The following CXCR2 variants were observed in gnomAD, a reference collection of about 807,000 sequenced individuals.
CXCR2 encodes C-X-C chemokine receptor type 2.
In CXCR2, 2 loss-of-function variants were observed where a neutral mutation model predicts 3.7. The ratio of observed to expected loss-of-function variants is 0.55; its 90% CI spans 0.22 to 1.72. The LOEUF (loss-of-function observed/expected upper bound fraction) is 1.72, where lower values mean the gene tolerates loss of function less well. Among genes scored for constraint, CXCR2 ranks in the 40% most tolerant of loss-of-function variants. CXCR2 has a pLI of 0.19. For synonymous variants in CXCR2, 203 were observed against 193.3 expected (o/e 1.05, Z -0.41); for missense variants, 351 against 450.1 (o/e 0.78, Z 1.99).
At position 218,135,578 on chromosome 2, in the gene CXCR2, C is replaced by A. The variant is rs773995653; in HGVS notation, c.777C>A (p.Ile259=). 6.2e-7 allele frequency: 1 copy of A among 1,614,184 alleles called. No homozygotes were observed. Among genetic ancestry groups the A allele is most frequent in the Non-Finnish European group, 8.5e-7 (1 of 1,180,026 alleles). Residue 259 remains isoleucine (I), a synonymous_variant, in exon 3 of 3, where the codon ATC becomes ATA. Coordinates refer to ENST00000318507, the MANE Select transcript of CXCR2 (RefSeq NM_001557.4). The surrounding 1 kb of genome is among the most constrained non-coding windows in gnomAD (Gnocchi z 4.0). ...GGGTCATCTTTGCTGTCGTCCTCAT[C>A]TTCCTGCTCTGCTGGCTGCCCTACA... ...AMRVIFAVVL[I]FLLCWLPYNL...
intron 2 of CXCR2, among the ~76,000 whole-genome samples, chr2:218,133,376 T>A (rs1164793501): frequency 7.0e-6 from 1 of 143,322 alleles, no homozygotes; most frequent in Non-Finnish European, 1.5e-5. Flanking sequence ...TTCGGCTCAC[T>A]GCAACCTCCA....
At chr2:218,128,880 AT>A (rs1438054233) in intron 1 of CXCR2, among the ~76,000 whole-genome samples, 3 of 152,202 alleles carry the variant, frequency 2.0e-5, no homozygotes, top group Admixed American at 2.0e-4. Flanking sequence ...CATCTCTGTC[AT>A]TTTAATGCAC....
chr2:218,136,197 T>C lies in CXCR2; in HGVS notation c.*313T>C. 3.6e-6 allele frequency: 1 copy of C among 277,380 alleles called. No individual in the cohort carries two copies. Among genetic ancestry groups the C allele is most frequent in the Admixed American group, 4.9e-5 (1 of 20,538 alleles). 17.2% of individuals were successfully genotyped at this position (277,380 alleles called of 1,614,324 possible). On this transcript the variant is annotated 3_prime_UTR_variant, in exon 3 of 3. Transcript: ENST00000318507. ...CAGTGAGACAGCTCTGCATACTCAT[T>C]AGGATGGCTAGTATCAAAAGAAAGA...
chr2:218,135,984 T>C lies in CXCR2; in HGVS notation c.*100T>C. 2 of 1,450,030 alleles carry C rather than the reference T, an allele frequency of 1.4e-6. No homozygotes were observed. The highest frequency in any genetic ancestry group is 1.4e-5 in the African/African-American group (1 of 70,336). The allele number at this position is 1,450,030 out of a possible 1,614,324, so 89.8% of individuals were successfully genotyped here. A position where few individuals can be genotyped will look rare whatever the true frequency, so the allele number is the denominator to read the frequency against. On this transcript the variant is annotated 3_prime_UTR_variant, in exon 3 of 3. Coordinates refer to ENST00000318507, the MANE Select transcript of CXCR2 (RefSeq NM_001557.4). The surrounding 1 kb of genome is among the most constrained non-coding windows in gnomAD (Gnocchi z 4.0). ...TGGTTCTTCTTGGTCTCAGTGTCAA[T>C]GCAGCCCCCATTGTGGTCACAGGAA...
intron 2 of CXCR2, among the ~76,000 whole-genome samples, chr2:218,132,163 T>C (rs776602015): frequency 3.3e-5 from 5 of 152,278 alleles, no homozygotes; most frequent in Admixed American, 6.5e-5. Flanking sequence ...ATTTAAAGTT[T>C]TTAGCATATT....
At chr2:218,130,046 A>T (rs1483021649) in intron 2 of CXCR2, among the ~76,000 whole-genome samples, 2 of 152,194 alleles carry the variant, frequency 1.3e-5, no homozygotes, top group Non-Finnish European at 2.9e-5. Flanking sequence ...TTCTGGGCCA[A>T]AGAAACGGCA....
intron 2 of CXCR2, among the ~76,000 whole-genome samples, chr2:218,133,288 G>T (rs1403117666): frequency 7.2e-6 from 1 of 138,918 alleles, no homozygotes; most frequent in Non-Finnish European, 1.5e-5. Flanking sequence ...TGAGAAACTG[G>T]GATTTTTTTT....
intron 1 of CXCR2, among the ~76,000 whole-genome samples, chr2:218,127,580 G>A (rs1234691232): frequency 1.3e-5 from 2 of 152,208 alleles, no homozygotes; most frequent in African/African-American, 4.8e-5. Flanking sequence ...CTGGGACACA[G>A]GGAGGTACCT....
chr2:218,126,616 T>A (rs1690514855), intron 1 of CXCR2, among the ~76,000 whole-genome samples: 1 of 152,358 alleles, frequency 6.6e-6, no homozygotes, highest in South Asian at 2.1e-4. Context: ...CTAGTGTGAC[T>A]GCGGATCTCA....
chr2:218,126,845 G>C (rs1690522385), intron 1 of CXCR2, among the ~76,000 whole-genome samples: 1 of 122,382 alleles, frequency 8.2e-6, no homozygotes, highest in East Asian at 2.2e-4. Flanking sequence ...TGTTTGTTTT[G>C]TTTTTGTTTT....
chr2:218,130,581 G>A (rs572778578), intron 2 of CXCR2, among the ~76,000 whole-genome samples: 6 of 152,200 alleles, frequency 3.9e-5, no homozygotes, highest in African/African-American at 9.6e-5. Context: ...CCCTGTGATC[G>A]CAGGCTGGTT....
Position 218,126,846 on chromosome 2 carries a change from T to G in CXCR2, c.-78+493T>G, listed in dbSNP as rs536476957. Among the ~76,000 whole-genome samples, 4 of 135,568 alleles carry G rather than the reference T, an allele frequency of 3.0e-5. No individual in the cohort carries two copies. The East Asian group carries it at 6.1e-4, about 21-fold the overall frequency. The allele number at this position is 135,568 out of a possible 152,430, so 88.9% of individuals were successfully genotyped here. A position where few individuals can be genotyped will look rare whatever the true frequency, so the allele number is the denominator to read the frequency against. On this transcript the variant is annotated intron_variant, in intron 1 of 2. Transcript: ENST00000318507. ...GGGTTTTGTTTGTTTGTTTGTTTTG[T>G]TTTTGTTTTTGTAAAGACAGGGTTT...
chr2:218,133,276 T>C (rs1244022927), intron 2 of CXCR2, among the ~76,000 whole-genome samples: 1 of 150,432 alleles, frequency 6.6e-6, no homozygotes, highest in Non-Finnish European at 1.5e-5. Flanking sequence ...AGTTGACTGC[T>C]TTGAGAAACT....
Position 218,135,232 on chromosome 2 carries a change from G to C in CXCR2, c.431G>C (p.Arg144Pro), listed in dbSNP as rs759555888. The C allele has an allele frequency of 1.9e-6, 3 of 1,614,036 alleles. No homozygotes were observed. Among genetic ancestry groups the C allele is most frequent in the Non-Finnish European group, 2.5e-6 (3 of 1,180,048 alleles). Reference protein sequence around the residue: ...ILLLACISVDRYLAIVHATRT... With the variant: ...ILLLACISVDPYLAIVHATRT... Reference sequence around the variant, plus strand: ...CTACTGGCCTGCATCAGTGTGGACCGTTACCTGGCCATTGTCCATGCCACA... The same window carrying C: ...CTACTGGCCTGCATCAGTGTGGACCCTTACCTGGCCATTGTCCATGCCACA... The change falls in exon 3 of 3, where the codon CGT becomes CCT. Residue 144 changes from arginine (R) to proline (P), a missense_variant. Coordinates refer to ENST00000318507, the MANE Select transcript of CXCR2 (RefSeq NM_001557.4). This position sits in a 1 kb window ranked among gnomAD's most constrained non-coding sequence, Gnocchi z 4.0.
chr2:218,136,011 T>C lies in CXCR2; in HGVS notation c.*127T>C, dbSNP rs1126579. The C allele has an allele frequency of 0.55, 707,465 of 1,294,684 alleles. 197,452 individuals are homozygous for C. Among genetic ancestry groups the C allele is most frequent in the African/African-American group, 0.85 (57,031 of 67,468 alleles). 80.2% of individuals were successfully genotyped at this position (1,294,684 alleles called of 1,614,324 possible). A position where few individuals can be genotyped will look rare whatever the true frequency, so the allele number is the denominator to read the frequency against. Reference sequence around the variant, plus strand: ...CAGCCCCCATTGTGGTCACAGGAAGTAGAGGAGGCCACGTTCTTACTAGTT... The same window carrying C: ...CAGCCCCCATTGTGGTCACAGGAAGCAGAGGAGGCCACGTTCTTACTAGTT... On this transcript the variant is annotated 3_prime_UTR_variant, in exon 3 of 3. Transcript: ENST00000318507.
At chr2:218,131,209 G>A (rs1690637560) in intron 2 of CXCR2, among the ~76,000 whole-genome samples, 2 of 152,180 alleles carry the variant, frequency 1.3e-5, no homozygotes, top group African/African-American at 4.8e-5. Context: ...TCCCTTAAGA[G>A]CATCTGTAAT....
chr2:218,132,556 T>A (rs1018539147), intron 2 of CXCR2, among the ~76,000 whole-genome samples: 1 of 152,214 alleles, frequency 6.6e-6, no homozygotes, highest in East Asian at 1.9e-4. Context: ...TGCTATAGCC[T>A]ACTACACACA....
intron 2 of CXCR2, among the ~76,000 whole-genome samples, chr2:218,132,333 A>C (rs976899117): frequency 1.3e-5 from 2 of 152,186 alleles, no homozygotes; most frequent in African/African-American, 4.8e-5. Flanking sequence ...GTCATTTCAC[A>C]TATATGGAAT....
At chr2:218,132,114 T>C (rs1574539883) in intron 2 of CXCR2, among the ~76,000 whole-genome samples, 1 of 152,282 alleles carries the variant, frequency 6.6e-6, no homozygotes. Context: ...TAATCTTTTT[T>C]TTAATTAAGA....
Sources: allele counts gnomAD v4.1 joint callset (sites outside exome capture counted in the v4.1 genomes callset), GRCh38; gene constraint gnomAD v4.1.1; non-coding constraint Gnocchi (gnomAD v3.1); transcripts MANE v1.5; gene names NCBI Gene and HGNC (gene_info 2026-07-23, HGNC 2026-07-21).